KANSL1: variants seen among roughly 807,000 people sequenced by gnomAD.
The protein encoded by KANSL1 is KAT8 regulatory NSL complex subunit 1.
Under a neutral mutation model 103.6 loss-of-function variants are expected in KANSL1, and 22 were observed. The observed-to-expected ratio is 0.21, with a 90% CI of 0.15 to 0.30. The LOEUF (loss-of-function observed/expected upper bound fraction) is 0.30. KANSL1 is among the 10% of genes least tolerant of loss of function. The pLI is 1.00. For synonymous variants in KANSL1, 600 were observed against 527.6 expected, an observed-to-expected ratio of 1.14 and a Z score of -1.88; for missense variants, 1,337 against 1,399.8, an observed-to-expected ratio of 0.96 and a Z score of 0.72.
intron 1 of KANSL1, among the ~76,000 whole-genome samples, chr17:46,173,482 A>G (rs1424609934): frequency 1.3e-5 from 2 of 152,240 alleles, no homozygotes; most frequent in Non-Finnish European, 2.9e-5. Context: ...TCTGGGAGCC[A>G]AAGGAAACAT....
intron 2 of KANSL1, among the ~76,000 whole-genome samples, chr17:46,105,948 C>CACACACACACACACA (rs373189477): frequency 1.5e-4 from 6 of 39,040 alleles, no homozygotes; most frequent in African/African-American, 5.0e-4. Context: ...CACACACACA[C>CACACACACACACACA]CCCCCCAGAA....
Position 46,031,062 on chromosome 17 carries a change from T to G in KANSL1, c.*414A>C. 1 of 176,638 alleles carries G rather than the reference T, an allele frequency of 5.7e-6. No individual in the cohort carries two copies. The highest frequency in any genetic ancestry group is 1.2e-5 in the Non-Finnish European group (1 of 82,904). 10.9% of individuals were successfully genotyped at this position (176,638 alleles called of 1,614,324 possible). On this transcript the variant is annotated 3_prime_UTR_variant, in exon 15 of 15. Coordinates refer to ENST00000432791, the MANE Select transcript of KANSL1 (RefSeq NM_015443.4). Reference sequence around the variant, plus strand: ...CAGATGGGAGGGGAGGGGGTAAGAGTCCAGAGCACCCTGCCCCATTCCACC... The same window carrying G: ...CAGATGGGAGGGGAGGGGGTAAGAGGCCAGAGCACCCTGCCCCATTCCACC...
chr17:46,063,065 C>T (rs778559177), intron 6 of KANSL1, among the ~76,000 whole-genome samples: 16 of 152,064 alleles, frequency 1.1e-4, no homozygotes, highest in Non-Finnish European at 1.9e-4. Context: ...AAAAACAAAA[C>T]AAAACAAAAC....
At chr17:46,154,360 G>A (rs1255165647) in intron 2 of KANSL1, among the ~76,000 whole-genome samples, 2 of 152,246 alleles carry the variant, frequency 1.3e-5, no homozygotes, top group Admixed American at 1.3e-4. Context: ...GCTCACTGCA[G>A]CCTCGACCTC....
intron 1 of KANSL1, among the ~76,000 whole-genome samples, chr17:46,176,527 C>T (rs1377540851): frequency 6.6e-6 from 1 of 152,030 alleles, no homozygotes; most frequent in Non-Finnish European, 1.5e-5. Flanking sequence ...CCTGTCTCTA[C>T]TAAAAATACA....
intron 2 of KANSL1, among the ~76,000 whole-genome samples, chr17:46,135,337 T>C (rs2044074845): frequency 6.6e-6 from 1 of 151,784 alleles, no homozygotes. Context: ...GAAGGTTCAC[T>C]GCACTGGTCT....
chr17:46,122,608 G>A (rs972053987), intron 2 of KANSL1, among the ~76,000 whole-genome samples: 2 of 152,256 alleles, frequency 1.3e-5, no homozygotes, highest in Non-Finnish European at 2.9e-5. Flanking sequence ...CTTTGCAGAT[G>A]CTGTTTTAAA....
chr17:46,146,561 C>T lies in KANSL1; in HGVS notation c.1289+24294G>A, dbSNP rs990323898. Among the ~76,000 whole-genome samples the T allele has an allele frequency of 4.4e-5, 5 of 112,414 alleles. 2 individuals carry two copies. Among genetic ancestry groups the T allele is most frequent in the Middle Eastern group, 0.011 (2 of 190 alleles). 73.7% of individuals were successfully genotyped at this position (112,414 alleles called of 152,430 possible). On this transcript the variant is annotated intron_variant, in intron 2 of 14. Coordinates refer to ENST00000432791, the MANE Select transcript of KANSL1 (RefSeq NM_015443.4). ...TATCACAAGAAGTTGAGGCCGGGCG[C>T]GGTGGCTCACGCCTGTAATCCCAGC...
intron 4 of KANSL1, among the ~76,000 whole-genome samples, chr17:46,078,546 T>C (rs1159165628): frequency 6.7e-6 from 1 of 149,406 alleles, no homozygotes; most frequent in South Asian, 2.1e-4. Context: ...CTGAACTCCA[T>C]CCTCTGATAA....
chr17:46,105,073 A>G (rs374077434), intron 2 of KANSL1, among the ~76,000 whole-genome samples: 56 of 152,284 alleles, frequency 3.7e-4, no homozygotes, highest in African/African-American at 1.2e-3. Flanking sequence ...TCGGCTTCCC[A>G]AAGTGCTGGA....
At position 46,090,203 on chromosome 17, in the gene KANSL1, A is replaced by G. The variant is rs140289795; in HGVS notation, c.1431+4357T>C. ...GCCAAGAACACCAAGGACTAGCACAATATCAGAAGCTGGAAAAAGACAAGG... is the reference window on the plus strand; with the variant it reads ...GCCAAGAACACCAAGGACTAGCACAGTATCAGAAGCTGGAAAAAGACAAGG... On this transcript the variant is annotated intron_variant, in intron 3 of 14. Coordinates refer to ENST00000432791, the MANE Select transcript of KANSL1 (RefSeq NM_015443.4). Among the ~76,000 whole-genome samples, 557 of 152,342 alleles carry G rather than the reference A, an allele frequency of 3.7e-3. 10 individuals carry two copies. Among genetic ancestry groups the G allele is most frequent in the Admixed American group, 0.031 (467 of 15,292 alleles).
chr17:46,038,854 G>C, intron 9 of KANSL1, 168 bp from the exon 10 acceptor site: 1 of 1,113,940 alleles, frequency 9.0e-7, no homozygotes, highest in East Asian at 2.4e-5. Context: ...GCAGGGCAGA[G>C]GTTGCTGTAG....
At chr17:46,111,335 G>A (rs1335712096) in intron 2 of KANSL1, among the ~76,000 whole-genome samples, 2 of 152,142 alleles carry the variant, frequency 1.3e-5, no homozygotes, top group Non-Finnish European at 2.9e-5. Context: ...CAGCCTCGCA[G>A]GTAGCTAGGA....
chr17:46,137,527 A>T (rs542487429), intron 2 of KANSL1, among the ~76,000 whole-genome samples: 1 of 152,264 alleles, frequency 6.6e-6, no homozygotes, highest in Admixed American at 6.5e-5. Context: ...TACAATTGTC[A>T]TAAAAGTTTT....
At chr17:46,074,507 G>A (rs1368466194) in intron 4 of KANSL1, among the ~76,000 whole-genome samples, 5 of 151,974 alleles carry the variant, frequency 3.3e-5, no homozygotes, top group Non-Finnish European at 5.9e-5. Context: ...AAAATTATGA[G>A]TAAAAATATA....
At chr17:46,057,961 G>C (rs1204516262) in intron 6 of KANSL1, among the ~76,000 whole-genome samples, 1 of 152,210 alleles carries the variant, frequency 6.6e-6, no homozygotes, top group Non-Finnish European at 1.5e-5. Context: ...AGAAATAAAT[G>C]GGGTGGTCTC....
intron 3 of KANSL1, among the ~76,000 whole-genome samples, chr17:46,089,234 A>G (rs983883975): frequency 3.3e-5 from 5 of 152,218 alleles, no homozygotes; most frequent in African/African-American, 1.2e-4. Context: ...AGCATGCAGA[A>G]GTAGTACAGA....
upstream of KANSL1, chr17:46,193,840 C>G (rs936856198): frequency 4.3e-5 from 7 of 163,572 alleles, no homozygotes; most frequent in African/African-American, 1.7e-4. Flanking sequence ...CGCCGCGGAG[C>G]GAGAGGACGT....
intron 1 of KANSL1, among the ~76,000 whole-genome samples, chr17:46,204,741 T>C (rs1402038234): frequency 1.3e-5 from 2 of 152,246 alleles, no homozygotes; most frequent in Non-Finnish European, 2.9e-5. Context: ...AAAAGGCTTA[T>C]ACACCATTGC....
Sources: allele counts gnomAD v4.1 joint callset (sites outside exome capture counted in the v4.1 genomes callset), GRCh38; gene constraint gnomAD v4.1.1; transcripts MANE v1.5; gene names NCBI Gene and HGNC (gene_info 2026-07-23, HGNC 2026-07-21).